CHSY3: variants seen among roughly 807,000 people sequenced by gnomAD.
CHSY3 encodes the protein N-acetylgalactosaminyl-proteoglycan 3-beta-glucuronosyltransferase 3.
Under a neutral mutation model 67.2 loss-of-function variants are expected in CHSY3, and 35 were observed. The observed-to-expected ratio is 0.52, with a 90% CI of 0.40 to 0.69. The LOEUF (loss-of-function observed/expected upper bound fraction) is 0.69, where lower values mean the gene tolerates loss of function less well. CHSY3 is among the 30% of genes least tolerant of loss of function. The pLI, the probability that CHSY3 is intolerant of heterozygous loss-of-function variation, is 0.00. For missense variants in CHSY3, 1,069 were observed against 1,138.5 expected, an observed-to-expected ratio of 0.94 and a Z score of 0.88; for synonymous variants, 474 against 434.7, an observed-to-expected ratio of 1.09 and a Z score of -1.12.
rs1396196884 is a variant in CHSY3, at chr5:130,056,944, G to A, written c.1087-127285G>A. On this transcript the variant is annotated intron_variant, in intron 2 of 2. Transcript: ENST00000305031. ...TTTTTTTTTTTTTTTTTTTTTTTTT[G>A]ACAGAGTCTGGCTTTGTCACCCAGG... Among the ~76,000 whole-genome samples, 3 of 31,602 alleles carry A rather than the reference G, an allele frequency of 9.5e-5. No homozygotes were observed. In the East Asian group the frequency reaches 3.0e-3, roughly 32 times the overall value. The allele number at this position is 31,602 out of a possible 152,430, so 20.7% of individuals were successfully genotyped here.
chr5:130,114,277 A>G (rs182394109), intron 2 of CHSY3: 26 of 152,312 alleles, frequency 1.7e-4, no homozygotes, highest in Admixed American at 1.4e-3. Flanking sequence ...GGTGGTTGCT[A>G]TAGATAAGAA....
chr5:130,098,383 T>C (rs1289781530), intron 2 of CHSY3, among the ~76,000 whole-genome samples: 4 of 152,142 alleles, frequency 2.6e-5, no homozygotes, highest in Admixed American at 2.6e-4. Context: ...CCTTAATCTG[T>C]CTAGTTGGGT....
intron 2 of CHSY3, among the ~76,000 whole-genome samples, chr5:129,946,457 T>C (rs2149598010): frequency 6.6e-6 from 1 of 152,314 alleles, no homozygotes; most frequent in East Asian, 1.9e-4. Context: ...TTTGTTTGGA[T>C]TGAAATTGTA....
chr5:130,153,489 A>T (rs1769285412), intron 2 of CHSY3, among the ~76,000 whole-genome samples: 1 of 151,322 alleles, frequency 6.6e-6, no homozygotes, highest in Admixed American at 6.6e-5. Context: ...CTCTCTTCCC[A>T]TTTTTTTCAC....
intron 2 of CHSY3, among the ~76,000 whole-genome samples, chr5:129,924,422 C>T (rs1322171377): frequency 6.6e-6 from 1 of 152,014 alleles, no homozygotes; most frequent in Non-Finnish European, 1.5e-5. Flanking sequence ...CCGAGGCAGG[C>T]GGATCACGAG....
At chr5:130,042,698 G>A (rs1183826224) in intron 2 of CHSY3, among the ~76,000 whole-genome samples, 1 of 151,990 alleles carries the variant, frequency 6.6e-6, no homozygotes, top group Non-Finnish European at 1.5e-5. Context: ...AACAATTACA[G>A]TTAGCAGGAC....
At chr5:130,072,328 T>G (rs1766101508) in intron 2 of CHSY3, among the ~76,000 whole-genome samples, 1 of 152,136 alleles carries the variant, frequency 6.6e-6, no homozygotes, top group African/African-American at 2.4e-5. Context: ...GATTTTTGTG[T>G]GATGTGAGAA....
chr5:130,012,296 C>T lies in CHSY3; in HGVS notation c.1086+103936C>T, dbSNP rs1001539953. Reference sequence around the variant, plus strand: ...AATAACCCACAAATAAAGCTGCACACCTACAAGCATCAGATCTTATACAAA... The same window carrying T: ...AATAACCCACAAATAAAGCTGCACATCTACAAGCATCAGATCTTATACAAA... On this transcript the variant is annotated intron_variant, in intron 2 of 2. Transcript: ENST00000305031. Among the ~76,000 whole-genome samples the T allele has an allele frequency of 5.9e-5, 9 of 152,132 alleles. No homozygotes were observed. The East Asian group carries it at 1.5e-3, about 26-fold the overall frequency.
At chr5:130,062,331 A>C (rs1232778833) in intron 2 of CHSY3, among the ~76,000 whole-genome samples, 3 of 152,066 alleles carry the variant, frequency 2.0e-5, no homozygotes, top group Non-Finnish European at 4.4e-5. Flanking sequence ...TCACTTATAC[A>C]TGGGAGCTAA....
chr5:130,142,856 A>G (rs1435335151), intron 2 of CHSY3, among the ~76,000 whole-genome samples: 1 of 152,160 alleles, frequency 6.6e-6, no homozygotes, highest in Non-Finnish European at 1.5e-5. Context: ...AAAATCCCAT[A>G]TGGGTGATCT....
At chr5:129,991,123 A>G (rs543436261) in intron 2 of CHSY3, among the ~76,000 whole-genome samples, 3 of 152,162 alleles carry the variant, frequency 2.0e-5, no homozygotes, top group Non-Finnish European at 4.4e-5. Context: ...TATCTGCATA[A>G]TTCCTGGGAT....
At chr5:130,020,459 ATATT>A (rs1468967299) in intron 2 of CHSY3, among the ~76,000 whole-genome samples, 3 of 49,720 alleles carry the variant, frequency 6.0e-5, no homozygotes, top group Admixed American at 2.9e-4. Flanking sequence ...ATATATATAT[ATATT>A]TTTTTTTTTT....
intron 2 of CHSY3, among the ~76,000 whole-genome samples, chr5:130,072,427 C>G (rs1214217572): frequency 6.6e-6 from 1 of 152,068 alleles, no homozygotes; most frequent in Non-Finnish European, 1.5e-5. Context: ...GTCCTTTCCC[C>G]ATGTGTGTTC....
At chr5:130,164,696 C>T (rs1168190899) in intron 2 of CHSY3, among the ~76,000 whole-genome samples, 1 of 152,080 alleles carries the variant, frequency 6.6e-6, no homozygotes, top group Non-Finnish European at 1.5e-5. Context: ...GGATGTCAGG[C>T]ACTGGAGATA....
At chr5:130,024,216 C>G (rs1180198581) in intron 2 of CHSY3, among the ~76,000 whole-genome samples, 4 of 151,492 alleles carry the variant, frequency 2.6e-5, no homozygotes, top group Admixed American at 1.3e-4. Flanking sequence ...AACCCCCACC[C>G]CCAGGGAGAA....
chr5:130,181,438 A>G (rs576734646), intron 2 of CHSY3, among the ~76,000 whole-genome samples: 1 of 152,144 alleles, frequency 6.6e-6, no homozygotes, highest in Admixed American at 6.5e-5. Flanking sequence ...CTCTGGGAAA[A>G]TCTCTCTGAT....
intron 2 of CHSY3, among the ~76,000 whole-genome samples, chr5:130,004,504 C>T (rs1763818072): frequency 6.6e-6 from 1 of 152,078 alleles, no homozygotes; most frequent in East Asian, 1.9e-4. Flanking sequence ...CAATAGTTAC[C>T]CATTTATTTG....
At chr5:130,153,593 T>G (rs1469015282) in intron 2 of CHSY3, among the ~76,000 whole-genome samples, 1 of 152,164 alleles carries the variant, frequency 6.6e-6, no homozygotes, top group Admixed American at 6.5e-5. Flanking sequence ...TACAGCTCCT[T>G]GAAGGCAGGA....
At chr5:129,918,836 G>A (rs988743517) in intron 2 of CHSY3, among the ~76,000 whole-genome samples, 9 of 150,748 alleles carry the variant, frequency 6.0e-5, no homozygotes, top group East Asian at 1.9e-4. Context: ...GGCCGGGCGC[G>A]GTGGCTCACG....
Sources: allele counts gnomAD v4.1 joint callset (sites outside exome capture counted in the v4.1 genomes callset), GRCh38; gene constraint gnomAD v4.1.1; transcripts MANE v1.5; gene names NCBI Gene and HGNC (gene_info 2026-07-23, HGNC 2026-07-21).